Variants in HNRNPUL2 observed in about 807,000 individuals in gnomAD.
HNRNPUL2 encodes the protein heterogeneous nuclear ribonucleoprotein U-like protein 2.
A neutral mutation model predicts 102.2 loss-of-function variants in HNRNPUL2; 27 were observed. The ratio of observed to expected loss-of-function variants is 0.26; its 90% CI spans 0.19 to 0.36. HNRNPUL2 has a LOEUF of 0.36. HNRNPUL2 is among the 10% of genes least tolerant of loss of function. The pLI is 1.00. For missense variants in HNRNPUL2, 936 were observed against 981.1 expected, an observed-to-expected ratio of 0.95 and a Z score of 0.61; for synonymous variants, 458 against 387.2, an observed-to-expected ratio of 1.18 and a Z score of -2.15.
rs187741131 is a variant in HNRNPUL2 at position 62,713,888 on chromosome 11, C to T, written c.*1411G>A. On this transcript the variant is annotated 3_prime_UTR_variant, in exon 14 of 14. Coordinates refer to ENST00000301785, the MANE Select transcript of HNRNPUL2 (RefSeq NM_001079559.3). ...TTGAAAGAGCATTCCATATCCCACC[C>T]ATATTCTTGAACCCAGCAACCTACA... 6.6e-6 allele frequency: 1 copy of T among 152,346 alleles called. No homozygotes were observed. The highest frequency in any genetic ancestry group is 1.9e-4 in the East Asian group (1 of 5,186). The allele number at this position is 152,346 out of a possible 1,614,324, so 9.4% of individuals were successfully genotyped here.
At chr11:62,726,566 G>A (rs900230493) in intron 1 of HNRNPUL2, 53 bp downstream of exon 1, 1 of 1,468,998 alleles carries the variant, frequency 6.8e-7, no homozygotes, top group Admixed American at 2.3e-5. Flanking sequence ...CGGGGTGCTA[G>A]ATCAGGGGCG....
At chr11:62,719,422 G>A (rs1447734240) in intron 10 of HNRNPUL2, among the ~76,000 whole-genome samples, 1 of 152,192 alleles carries the variant, frequency 6.6e-6, no homozygotes. Context: ...CTGCACTCCA[G>A]GCTGGGCAAC....
chr11:62,722,515 G>A, intron 6 of HNRNPUL2, 86 bp downstream of exon 6: 4 of 1,413,522 alleles, frequency 2.8e-6, no homozygotes, highest in East Asian at 2.3e-5. Context: ...ATGCATAAAA[G>A]CCAGCAGTTG....
Position 62,726,726 on chromosome 11 carries a change from C to A in HNRNPUL2, c.431G>T (p.Gly144Val), listed in dbSNP as rs1300401200. ...ATAGSGGVNG[G>V]EEQGLGKREE... ...CCTCTTGCCGAGGCCCTGCTCTTCG[C>A]CACCATTTACCCCGCCTGACCCGGC... The change falls in exon 1 of 14, where the codon GGC becomes GTC. Residue 144 changes from glycine (G) to valine (V), a missense_variant. Physicochemically the swap from Gly to Val is moderately radical, Grantham distance 109. Transcript: ENST00000301785. The A allele has an allele frequency of 3.1e-6, 5 of 1,601,124 alleles. No homozygotes were observed. Among genetic ancestry groups the A allele is most frequent in the African/African-American group, 2.7e-5 (2 of 75,040 alleles).
In HNRNPUL2 at chr11:62,721,361, G is replaced by A; in HGVS notation, c.1545C>T (p.Ala515=). 5 of 1,610,734 alleles carry A rather than the reference G, an allele frequency of 3.1e-6. No homozygotes were observed. The highest frequency in any genetic ancestry group is 2.2e-5 in the South Asian group (2 of 90,352). ...GGACCAGCTTACTAAGGCACTGGGA[G>A]GCTTGCTGAACTAAAAGGTCTCGGC... is the stretch of plus-strand genomic sequence containing the variant. The part of the protein sequence containing the change: ...PKSRDLLVQQ[A]SQCLSKLVQI... The change falls in exon 9 of 14, where the codon GCC becomes GCT. Residue 515 remains alanine (A), a synonymous_variant. Coordinates refer to ENST00000301785, the MANE Select transcript of HNRNPUL2 (RefSeq NM_001079559.3).
At position 62,713,702 on chromosome 11, in the gene HNRNPUL2, A is replaced by G. The variant is rs2083636385; in HGVS notation, c.*1597T>C. 1 of 152,280 alleles carries G rather than the reference A, an allele frequency of 6.6e-6. No individual in the cohort carries two copies. Among genetic ancestry groups the G allele is most frequent in the Non-Finnish European group, 1.5e-5 (1 of 68,104 alleles). The allele number at this position is 152,280 out of a possible 1,614,324, so 9.4% of individuals were successfully genotyped here. ...GGAGAGGAAGACCAAATCAGCCCAC[A>G]ATTTTAAACAGAGAACTGCCCAGGT... On this transcript the variant is annotated 3_prime_UTR_variant, in exon 14 of 14. Transcript: ENST00000301785.
At position 62,726,646 on chromosome 11, in the gene HNRNPUL2, G is replaced by C. The variant is rs1243104945; in HGVS notation, c.511C>G (p.Pro171Ala). ...SGDETPGSEV[P>A]GDKAAEEQGD... Reference sequence around the variant, plus strand: ...TGTTCCTCGGCGGCCTTGTCACCCGGCACCTCGGATCCCGGCGTCTCGTCC... The same window carrying C: ...TGTTCCTCGGCGGCCTTGTCACCCGCCACCTCGGATCCCGGCGTCTCGTCC... Residue 171 changes from proline to alanine, a missense_variant, in exon 1 of 14, where the codon CCG (proline) becomes GCG (alanine). Pro to Ala is a conservative substitution (Grantham distance 27). Transcript: ENST00000301785. 1 of 1,595,336 alleles carries C rather than the reference G, an allele frequency of 6.3e-7. No homozygotes were observed. The highest frequency in any genetic ancestry group is 1.1e-5 in the South Asian group (1 of 90,200).
Position 62,727,238 on chromosome 11 carries a change from C to T in HNRNPUL2, c.-82G>A, listed in dbSNP as rs2083763555. The T allele has an allele frequency of 1.0e-5, 13 of 1,303,180 alleles. No homozygotes were observed. Among genetic ancestry groups the T allele is most frequent in the South Asian group, 8.1e-5 (4 of 49,170 alleles). The allele number at this position is 1,303,180 out of a possible 1,614,324, so 80.7% of individuals were successfully genotyped here. The stretch of plus-strand genomic sequence containing the variant: ...AGTCCGACCGCGCAGGCGCCGCCGC[C>T]GCCGCCCGCCTCCGCCTCACGCGCC... On this transcript the variant is annotated 5_prime_UTR_variant, in exon 1 of 14. Transcript: ENST00000301785.
intron 10 of HNRNPUL2, among the ~76,000 whole-genome samples, chr11:62,719,735 G>A (rs1464945125): frequency 1.3e-5 from 2 of 152,154 alleles, no homozygotes; most frequent in Non-Finnish European, 2.9e-5. Flanking sequence ...TATTGAGAGG[G>A]TGGGACTTTT....
intron 1 of HNRNPUL2, among the ~76,000 whole-genome samples, chr11:62,726,198 T>G (rs923973499): frequency 4.6e-5 from 7 of 152,206 alleles, no homozygotes; most frequent in African/African-American, 7.2e-5. Flanking sequence ...CGATTTTTGC[T>G]TAACATTTTT....
chr11:62,714,931 C>T lies in HNRNPUL2; in HGVS notation c.*368G>A, dbSNP rs912588361. On this transcript the variant is annotated 3_prime_UTR_variant, in exon 14 of 14. Coordinates refer to ENST00000301785, the MANE Select transcript of HNRNPUL2 (RefSeq NM_001079559.3). ...TACTTGGCTGCCAGTCCAGCTGCCTCAGAATGTCAGAAGGGTGCCATTTTC... is the reference window on the plus strand; with the variant it reads ...TACTTGGCTGCCAGTCCAGCTGCCTTAGAATGTCAGAAGGGTGCCATTTTC... 5.3e-6 allele frequency: 1 copy of T among 188,836 alleles called. No individual in the cohort carries two copies. The highest frequency in any genetic ancestry group is 2.4e-5 in the African/African-American group (1 of 41,956). 11.7% of individuals were successfully genotyped at this position (188,836 alleles called of 1,614,324 possible). A position where few individuals can be genotyped will look rare whatever the true frequency, so the allele number is the denominator to read the frequency against.
intron 4 of HNRNPUL2, 115 bp downstream of exon 4, chr11:62,723,472 C>G: frequency 8.7e-7 from 1 of 1,152,022 alleles, no homozygotes. Context: ...GCCTGGGTAA[C>G]AAGAGCGAAA....
Position 62,727,263 on chromosome 11 carries a change from C to T in HNRNPUL2, c.-107G>A. 8.2e-7 allele frequency: 1 copy of T among 1,226,624 alleles called. No homozygotes were observed. The highest frequency in any genetic ancestry group is 1.0e-6 in the Non-Finnish European group (1 of 983,048). The allele number at this position is 1,226,624 out of a possible 1,614,324, so 76.0% of individuals were successfully genotyped here. On this transcript the variant is annotated 5_prime_UTR_variant, in exon 1 of 14. Coordinates refer to ENST00000301785, the MANE Select transcript of HNRNPUL2 (RefSeq NM_001079559.3). ...CGCCGCCCGCCTCCGCCTCACGCGC[C>T]AGCACTGAGCCCGCGCGAGCGAGCG...
rs931494522 is a variant in HNRNPUL2 at position 62,715,008 on chromosome 11, G to T, written c.*291C>A. On this transcript the variant is annotated 3_prime_UTR_variant, in exon 14 of 14. Transcript: ENST00000301785. ...TATAGAACAGGCAGCCCTAAGTGCT[G>T]CTTTCTGCGCAAATGTTTTTTGATT... 2.9e-6 allele frequency: 1 copy of T among 346,636 alleles called. No homozygotes were observed. The highest frequency in any genetic ancestry group is 2.1e-5 in the African/African-American group (1 of 47,372). The allele number at this position is 346,636 out of a possible 1,614,324, so 21.5% of individuals were successfully genotyped here.
Position 62,727,275 on chromosome 11 carries a change from C to A in HNRNPUL2, c.-119G>T, listed in dbSNP as rs544113074. The A allele has an allele frequency of 1.0e-5, 12 of 1,194,780 alleles. No individual in the cohort carries two copies. In the East Asian group the frequency reaches 3.5e-4, roughly 35 times the overall value. 74.0% of individuals were successfully genotyped at this position (1,194,780 alleles called of 1,614,324 possible). On this transcript the variant is annotated 5_prime_UTR_variant, in exon 1 of 14. Transcript: ENST00000301785. ...CCGCCTCACGCGCCAGCACTGAGCC[C>A]GCGCGAGCGAGCGCACGCACGCAGG...
At chr11:62,723,546 G>A (rs766009050) in intron 4 of HNRNPUL2, 41 bp downstream of exon 4, 10 of 1,543,874 alleles carry the variant, frequency 6.5e-6, no homozygotes, top group African/African-American at 4.1e-5. Flanking sequence ...TAAGCATCCA[G>A]TAATAAATGA....
rs1565163164 is a variant in HNRNPUL2 at position 62,723,695 on chromosome 11, T to A, written c.783A>T (p.Lys261Asn). The A allele has an allele frequency of 6.2e-7, 1 of 1,614,082 alleles. No individual in the cohort carries two copies. Among genetic ancestry groups the A allele is most frequent in the African/African-American group, 1.3e-5 (1 of 74,922 alleles). Residue 261 changes from lysine to asparagine, a missense_variant, in exon 4 of 14, where the codon AAA becomes AAT. By Grantham distance (94) the Lys-to-Asn change is moderately conservative. Coordinates refer to ENST00000301785, the MANE Select transcript of HNRNPUL2 (RefSeq NM_001079559.3). ...YTSDLHFQVS[K>N]DRYGGQPLFS... ...AAAGTGGCTGCCCTCCATAGCGGTC[T>A]TTGCTCACTTGAAAATGCAGATCCG...
At position 62,724,369 on chromosome 11, in the gene HNRNPUL2, C is replaced by T; in HGVS notation, c.596G>A (p.Gly199Glu). 2 of 1,613,920 alleles carry T rather than the reference C, an allele frequency of 1.2e-6. No individual in the cohort carries two copies. The highest frequency in any genetic ancestry group is 1.7e-6 in the Non-Finnish European group (2 of 1,179,894). ...KPAGSDGERR[G>E]VKRQRDEKDE... is the part of the protein sequence containing the mutation. ...CTTCTCATCCCGCTGTCTCTTTACC[C>T]CCCGCCGCTCACCATCTGAGCCTGC... The change falls in exon 2 of 14, where the codon GGG becomes GAG. Residue 199 changes from glycine to glutamate, a missense_variant. Coordinates refer to ENST00000301785, the MANE Select transcript of HNRNPUL2 (RefSeq NM_001079559.3).
intron 1 of HNRNPUL2, 22 bp downstream of exon 1, chr11:62,726,597 G>A (rs759581040): frequency 3.9e-6 from 6 of 1,520,542 alleles, no homozygotes; most frequent in Non-Finnish European, 4.4e-6. Flanking sequence ...GTTGGAGCCG[G>A]GCTCGGCTGC....
Sources: gnomAD v4.1 joint callset for allele counts (sites outside exome capture counted in the v4.1 genomes callset) on GRCh38, gnomAD v4.1.1 for gene constraint, MANE v1.5 for transcripts, NCBI Gene and HGNC (gene_info 2026-07-23, HGNC 2026-07-21) for gene names.